The following FAM163A variants were observed in gnomAD, a reference collection of about 807,000 sequenced individuals.
The protein encoded by FAM163A is protein FAM163A.
In FAM163A, 7 loss-of-function variants were observed where a neutral mutation model predicts 12.0. That is an observed-to-expected ratio of 0.58 (90% confidence interval 0.33 to 1.10). The LOEUF (loss-of-function observed/expected upper bound fraction) is 1.10, where lower values mean the gene tolerates loss of function less well. FAM163A is among the 50% of genes least tolerant of loss of function. The pLI is 0.03. For synonymous variants in FAM163A, 101 were observed against 91.0 expected (o/e 1.11, Z -0.62); for missense variants, 202 against 218.6 (o/e 0.92, Z 0.48).
At chr1:179,780,557 C>G (rs1472720003) in intron 1 of FAM163A, among the ~76,000 whole-genome samples, 2 of 152,204 alleles carry the variant, frequency 1.3e-5, no homozygotes, top group Non-Finnish European at 2.9e-5. Context: ...TGAGCAACAT[C>G]AGCATCACCT....
intron 1 of FAM163A, among the ~76,000 whole-genome samples, chr1:179,766,848 C>T (rs1270184203): frequency 2.0e-5 from 3 of 151,998 alleles, no homozygotes; most frequent in Admixed American, 6.6e-5. Context: ...CTCTGCCTCC[C>T]GGGTTCAAGC....
At chr1:179,765,792 A>G (rs912433778) in intron 1 of FAM163A, among the ~76,000 whole-genome samples, 4 of 151,756 alleles carry the variant, frequency 2.6e-5, no homozygotes, top group Non-Finnish European at 4.4e-5. Flanking sequence ...ATGGTGGACA[A>G]AGGGTGTAGT....
chr1:179,736,319 C>G, the FAM163A span, among the ~76,000 whole-genome samples: 1 of 124,790 alleles, frequency 8.0e-6, no homozygotes, highest in Non-Finnish European at 1.6e-5. Flanking sequence ...GAAATTAATA[C>G]AACTCAGTGA....
the FAM163A span, among the ~76,000 whole-genome samples, chr1:179,729,400 A>G: frequency 3.7e-3 from 560 of 152,302 alleles, 5 homozygotes; most frequent in African/African-American, 0.013. Flanking sequence ...TTAGAGTTTC[A>G]CTGGGGAAGC....
chr1:179,806,272 T>G (rs905444940), intron 1 of FAM163A, among the ~76,000 whole-genome samples: 12 of 152,220 alleles, frequency 7.9e-5, no homozygotes, highest in African/African-American at 2.9e-4. Context: ...CTGTCAGAAC[T>G]CGTGCAGCAA....
intron 1 of FAM163A, among the ~76,000 whole-genome samples, chr1:179,747,819 G>C (rs369555455): frequency 2.0e-5 from 3 of 152,254 alleles, no homozygotes; most frequent in East Asian, 1.9e-4. Flanking sequence ...TTTGTACAAG[G>C]CACAGTTCAG....
intron 1 of FAM163A, among the ~76,000 whole-genome samples, chr1:179,800,541 G>A (rs781188589): frequency 2.0e-5 from 3 of 152,260 alleles, no homozygotes; most frequent in Non-Finnish European, 2.9e-5. Flanking sequence ...AGAGACTGCA[G>A]AGTCACCCCC....
chr1:179,809,599 G>A (rs529989551), intron 2 of FAM163A, among the ~76,000 whole-genome samples: 11 of 152,278 alleles, frequency 7.2e-5, no homozygotes, highest in Non-Finnish European at 1.6e-4. Flanking sequence ...TCCTGAAAGA[G>A]GGGTGGTCCA....
chr1:179,778,183 A>G (rs56724313), intron 1 of FAM163A, among the ~76,000 whole-genome samples: 3,463 of 152,318 alleles, frequency 0.023, 143 homozygotes, highest in African/African-American at 0.079. Flanking sequence ...AGTTGTGAAT[A>G]TAGATGTCTT....
In FAM163A at chr1:179,815,544, GA is replaced by G. The variant is rs1695247459; in HGVS notation, c.*1356del. ...CCCTACTCCCCAGTTTCCTGGCGAT[GA>G]GCCATTTATTGTGTCTCACACCAGC... On this transcript the variant is annotated 3_prime_UTR_variant, in exon 5 of 5. Transcript: ENST00000341785. The G allele has an allele frequency of 6.6e-6, 1 of 152,262 alleles. No homozygotes were observed. Among genetic ancestry groups the G allele is most frequent in the African/African-American group, 2.4e-5 (1 of 41,446 alleles). The allele number at this position is 152,262 out of a possible 1,614,324, so 9.4% of individuals were successfully genotyped here.
chr1:179,727,982 T>C, the FAM163A span, among the ~76,000 whole-genome samples: 1 of 150,946 alleles, frequency 6.6e-6, no homozygotes, highest in Non-Finnish European at 1.5e-5. Context: ...TTGATTATAA[T>C]GGGTGGAATA....
At chr1:179,792,134 G>T (rs561803086) in intron 1 of FAM163A, among the ~76,000 whole-genome samples, 2 of 152,188 alleles carry the variant, frequency 1.3e-5, no homozygotes, top group South Asian at 4.1e-4. Flanking sequence ...CTGTAAAATG[G>T]AAATAATAAT....
intron 1 of FAM163A, among the ~76,000 whole-genome samples, chr1:179,744,356 A>G (rs1446634259): frequency 1.3e-5 from 2 of 151,982 alleles, no homozygotes; most frequent in Non-Finnish European, 2.9e-5. Flanking sequence ...CAGAGCGGGC[A>G]AGCAGAAGGC....
At chr1:179,790,314 A>C (rs1377346657) in intron 1 of FAM163A, among the ~76,000 whole-genome samples, 1 of 147,442 alleles carries the variant, frequency 6.8e-6, no homozygotes, top group East Asian at 2.0e-4. Flanking sequence ...AAGTCTCCTA[A>C]TGGCCCTAGA....
chr1:179,746,758 G>A lies in FAM163A; in HGVS notation c.-136+3335G>A, dbSNP rs1024916316. Among the ~76,000 whole-genome samples, 3 of 152,088 alleles carry A rather than the reference G, an allele frequency of 2.0e-5. No homozygotes were observed. The East Asian group carries it at 5.8e-4, about 29-fold the overall frequency. ...TTCCAGCTTAACATTGTGGGGTGAC[G>A]TACCCCACCCCCTTTTGGTTGCTTG... On this transcript the variant is annotated intron_variant, in intron 1 of 4. Coordinates refer to ENST00000341785, the MANE Select transcript of FAM163A (RefSeq NM_173509.3).
intron 1 of FAM163A, among the ~76,000 whole-genome samples, chr1:179,781,846 A>C (rs1689790797): frequency 6.6e-6 from 1 of 151,244 alleles, no homozygotes; most frequent in Non-Finnish European, 1.5e-5. Context: ...AGGCAGGAGA[A>C]TCGCTTGAGC....
chr1:179,751,395 A>C (rs1685252600), intron 1 of FAM163A, among the ~76,000 whole-genome samples: 1 of 152,196 alleles, frequency 6.6e-6, no homozygotes, highest in Non-Finnish European at 1.5e-5. Context: ...GAAGACGAAA[A>C]GAGAAAGCAT....
At chr1:179,729,890 A>C in the FAM163A span, among the ~76,000 whole-genome samples, 1 of 152,202 alleles carries the variant, frequency 6.6e-6, no homozygotes, top group African/African-American at 2.4e-5. Flanking sequence ...TGATAGCATG[A>C]GAATGGGCAT....
At chr1:179,753,546 A>G (rs1685577695) in intron 1 of FAM163A, among the ~76,000 whole-genome samples, 1 of 152,168 alleles carries the variant, frequency 6.6e-6, no homozygotes, top group African/African-American at 2.4e-5. Context: ...TCCTGAGAAA[A>G]TGGGTGGACA....
Sources: gnomAD v4.1 joint callset for allele counts (sites outside exome capture counted in the v4.1 genomes callset) on GRCh38, gnomAD v4.1.1 for gene constraint, MANE v1.5 for transcripts, NCBI Gene and HGNC (gene_info 2026-07-23, HGNC 2026-07-21) for gene names.